Variants in EXOC2 observed in about 807,000 individuals in gnomAD.
EXOC2 encodes the protein exocyst complex component 2.
A neutral mutation model predicts 131.8 loss-of-function variants in EXOC2; 70 were observed. The observed-to-expected ratio is 0.53, with a 90% CI of 0.44 to 0.65. EXOC2 has a LOEUF of 0.65. EXOC2 is among the 30% of genes least tolerant of loss of function. The probability of loss-of-function intolerance (pLI) is 0.00; values close to 1 mark genes in which losing one functional copy is unlikely to be tolerated. For missense variants in EXOC2, 923 were observed against 1,108.6 expected, an observed-to-expected ratio of 0.83 and a Z score of 2.38; for synonymous variants, 411 against 398.4, an observed-to-expected ratio of 1.03 and a Z score of -0.38.
chr6:658,667 T>TATTTTATATATATATATATATATATATA (rs1561983437), intron 1 of EXOC2, among the ~76,000 whole-genome samples: 1 of 65,196 alleles, frequency 1.5e-5, no homozygotes, highest in African/African-American at 5.0e-5. Context: ...ATATATATAT[T>TATTTTATATATATATATATATATATATA]TTTTTTTTTT....
chr6:492,868 G>A (rs1561774072), intron 25 of EXOC2, among the ~76,000 whole-genome samples: 1 of 152,140 alleles, frequency 6.6e-6, no homozygotes, highest in Non-Finnish European at 1.5e-5. Context: ...TCATTGAATT[G>A]CATATTCTTT....
intron 22 of EXOC2, among the ~76,000 whole-genome samples, chr6:544,760 C>T (rs1207579793): frequency 6.6e-6 from 1 of 152,178 alleles, no homozygotes; most frequent in Non-Finnish European, 1.5e-5. Context: ...ATCAGCTGCT[C>T]AGCATAAAGG....
At chr6:543,606 A>C (rs1004391871) in intron 22 of EXOC2, among the ~76,000 whole-genome samples, 1 of 152,226 alleles carries the variant, frequency 6.6e-6, no homozygotes, top group African/African-American at 2.4e-5. Flanking sequence ...TGAATATGTT[A>C]ATTAGTTCGA....
intron 23 of EXOC2, among the ~76,000 whole-genome samples, chr6:518,619 G>C (rs1561808052): frequency 6.6e-6 from 1 of 152,158 alleles, no homozygotes. Flanking sequence ...ATGCTTGGCA[G>C]ACAAAGAAAC....
At chr6:597,115 T>C (rs545075944) in intron 10 of EXOC2, among the ~76,000 whole-genome samples, 12 of 152,310 alleles carry the variant, frequency 7.9e-5, no homozygotes, top group African/African-American at 2.9e-4. Context: ...CATTATGTGA[T>C]ACTGTTTCTC....
In EXOC2 at chr6:675,589, C is replaced by T. The variant is rs1764078423; in HGVS notation, c.-44+17430G>A. Among the ~76,000 whole-genome samples, 3 of 41,968 alleles carry T rather than the reference C, an allele frequency of 7.1e-5. 1 individual carries two copies. Among genetic ancestry groups the T allele is most frequent in the African/African-American group, 1.8e-4 (3 of 16,500 alleles). 27.5% of individuals were successfully genotyped at this position (41,968 alleles called of 152,430 possible). A position where few individuals can be genotyped will look rare whatever the true frequency, so the allele number is the denominator to read the frequency against. On this transcript the variant is annotated intron_variant, in intron 1 of 27. Coordinates refer to ENST00000230449, the MANE Select transcript of EXOC2 (RefSeq NM_018303.6). ...TCAACATTACGGAAAGGACAGCCTC[C>T]TCTGGCAACTGCGGTTCCCCATACT...
At chr6:665,662 A>C (rs1044264673) in intron 1 of EXOC2, among the ~76,000 whole-genome samples, 1 of 152,212 alleles carries the variant, frequency 6.6e-6, no homozygotes, top group African/African-American at 2.4e-5. Flanking sequence ...TATTATTCTA[A>C]GAGAAGTAAA....
intron 1 of EXOC2, among the ~76,000 whole-genome samples, chr6:654,641 G>C (rs1191332389): frequency 6.6e-6 from 1 of 150,442 alleles, no homozygotes; most frequent in Non-Finnish European, 1.5e-5. Context: ...CTCTACAAAA[G>C]AAAAATTAAA....
chr6:490,903 C>A (rs1239168595), intron 26 of EXOC2, among the ~76,000 whole-genome samples: 1 of 152,182 alleles, frequency 6.6e-6, no homozygotes, highest in African/African-American at 2.4e-5. Context: ...ATGTCATACT[C>A]TGCTGTATTA....
rs1763052256 is a variant in EXOC2, at chr6:486,434, T to C, written c.*237A>G. 1 of 409,654 alleles carries C rather than the reference T, an allele frequency of 2.4e-6. No individual in the cohort carries two copies. Among genetic ancestry groups the C allele is most frequent in the Non-Finnish European group, 4.3e-6 (1 of 231,094 alleles). The allele number at this position is 409,654 out of a possible 1,614,324, so 25.4% of individuals were successfully genotyped here. A position where few individuals can be genotyped will look rare whatever the true frequency, so the allele number is the denominator to read the frequency against. Reference sequence around the variant, plus strand: ...GAGATGCAAAATATATTTTAAAATGTATTTTAAAGTCATACAGGATCTGAT... The same window carrying C: ...GAGATGCAAAATATATTTTAAAATGCATTTTAAAGTCATACAGGATCTGAT... On this transcript the variant is annotated 3_prime_UTR_variant, in exon 28 of 28. Transcript: ENST00000230449.
chr6:536,479 C>A (rs530872038), intron 22 of EXOC2, among the ~76,000 whole-genome samples: 2 of 152,196 alleles, frequency 1.3e-5, no homozygotes, highest in African/African-American at 4.8e-5. Context: ...TAAATAGGAT[C>A]ATCAATATTG....
rs566727017 is a variant in EXOC2, at chr6:586,006, A to G, written c.1192+6463T>C. On this transcript the variant is annotated intron_variant, in intron 11 of 27. Transcript: ENST00000230449. ...CATTTTAAAAGCAGGCTCCTGAGAA[A>G]ACCCGCATAAAAACAATGTAGCTTT... Among the ~76,000 whole-genome samples, 7 of 152,334 alleles carry G rather than the reference A, an allele frequency of 4.6e-5. No individual in the cohort carries two copies. The South Asian group carries it at 1.0e-3, about 23-fold the overall frequency.
Position 596,232 on chromosome 6 carries a change from A to G in EXOC2, c.1073+1789T>C, listed in dbSNP as rs1426613545. ...TGCCTCTGCTTGCTTCCTCCTGGGC[A>G]ATACTAGTGTGCTGCCAATGACGAC... On this transcript the variant is annotated intron_variant, in intron 10 of 27. Coordinates refer to ENST00000230449, the MANE Select transcript of EXOC2 (RefSeq NM_018303.6). 1.3e-5 allele frequency among the ~76,000 whole-genome samples: 2 copies of G among 151,648 alleles called. 1 individual carries two copies. Among genetic ancestry groups the G allele is most frequent in the African/African-American group, 4.9e-5 (2 of 41,066 alleles).
chr6:489,118 T>C (rs1305364084), intron 26 of EXOC2, 80 bp from the exon 27 acceptor site: 27 of 1,329,092 alleles, frequency 2.0e-5, no homozygotes, highest in African/African-American at 5.9e-5. Context: ...CCCTTAATTA[T>C]TGAGAAGCCA....
chr6:567,120 A>G (rs1758007171), intron 13 of EXOC2, among the ~76,000 whole-genome samples: 2 of 152,168 alleles, frequency 1.3e-5, no homozygotes, highest in South Asian at 4.1e-4. Flanking sequence ...GATTCTGAAC[A>G]CACCACCAAG....
intron 1 of EXOC2, among the ~76,000 whole-genome samples, chr6:690,150 T>C: frequency 6.6e-6 from 1 of 151,432 alleles, no homozygotes; most frequent in Admixed American, 6.6e-5. Context: ...CATTCAGGAG[T>C]TCAAGACCAG....
At chr6:505,518 G>A (rs760143329) in intron 23 of EXOC2, among the ~76,000 whole-genome samples, 3 of 152,178 alleles carry the variant, frequency 2.0e-5, no homozygotes, top group African/African-American at 7.2e-5. Flanking sequence ...GTGGAATAAC[G>A]TTTTTAAGAG....
chr6:594,630 G>A (rs1025811277), intron 10 of EXOC2, among the ~76,000 whole-genome samples: 8 of 152,202 alleles, frequency 5.3e-5, no homozygotes, highest in East Asian at 3.8e-4. Flanking sequence ...TACATTATAC[G>A]TCTCTTTAAA....
At chr6:663,280 C>T (rs1465761046) in intron 1 of EXOC2, among the ~76,000 whole-genome samples, 1 of 152,096 alleles carries the variant, frequency 6.6e-6, no homozygotes, top group African/African-American at 2.4e-5. Flanking sequence ...CAATAACAAG[C>T]AGCAAGATTG....
Sources: allele counts gnomAD v4.1 joint callset (sites outside exome capture counted in the v4.1 genomes callset), GRCh38; gene constraint gnomAD v4.1.1; transcripts MANE v1.5; gene names NCBI Gene and HGNC (gene_info 2026-07-23, HGNC 2026-07-21).